Variants in TTC28 observed in about 807,000 individuals in gnomAD.
The protein encoded by TTC28 is tetratricopeptide repeat domain 28, also known as tetratricopeptide repeat protein 28.
A neutral mutation model predicts 198.0 loss-of-function variants in TTC28; 61 were observed. The observed-to-expected ratio is 0.31, with a 90% CI of 0.25 to 0.38. The LOEUF (loss-of-function observed/expected upper bound fraction) is 0.38. Among genes scored for constraint, TTC28 ranks in the 10% least tolerant of loss-of-function variants. The pLI is 1.00. For synonymous variants in TTC28, 1,171 were observed against 1,297.8 expected (o/e 0.90, Z 2.10); for missense variants, 2,678 against 3,164.0 (o/e 0.85, Z 3.69).
At chr22:28,147,825 A>T (rs1330413949) in intron 6 of TTC28, among the ~76,000 whole-genome samples, 1 of 152,220 alleles carries the variant, frequency 6.6e-6, no homozygotes, top group African/African-American at 2.4e-5. Context: ...CTTCTAAGCC[A>T]CTTCAAATGT....
intron 5 of TTC28, among the ~76,000 whole-genome samples, chr22:28,177,565 A>G (rs1337237106): frequency 6.6e-6 from 1 of 152,226 alleles, no homozygotes; most frequent in Non-Finnish European, 1.5e-5. Flanking sequence ...ACTGTTTATA[A>G]CAGTTTTATT....
chr22:28,504,751 T>C (rs1427238557), intron 2 of TTC28, among the ~76,000 whole-genome samples: 1 of 152,124 alleles, frequency 6.6e-6, no homozygotes, highest in East Asian at 1.9e-4. Flanking sequence ...GATATGCTCT[T>C]AATAAAAAAC....
intron 12 of TTC28, among the ~76,000 whole-genome samples, chr22:28,065,194 G>T (rs574371780): frequency 6.6e-6 from 1 of 152,252 alleles, no homozygotes; most frequent in Non-Finnish European, 1.5e-5. Context: ...AGTGATTATG[G>T]ACACACGTTC....
intron 5 of TTC28, among the ~76,000 whole-genome samples, chr22:28,168,977 A>G (rs1484615868): frequency 6.6e-6 from 1 of 152,212 alleles, no homozygotes; most frequent in Non-Finnish European, 1.5e-5. Context: ...AATTTACAAG[A>G]AAAAAACAAA....
intron 1 of TTC28, among the ~76,000 whole-genome samples, chr22:28,676,954 A>G (rs1172913956): frequency 2.6e-5 from 4 of 151,604 alleles, no homozygotes; most frequent in Non-Finnish European, 5.9e-5. Flanking sequence ...CGGGAGTTCA[A>G]AACCAGCCTG....
chr22:28,250,303 GTTTA>G (rs1930425740), intron 5 of TTC28, among the ~76,000 whole-genome samples: 1 of 152,186 alleles, frequency 6.6e-6, no homozygotes, highest in East Asian at 1.9e-4. Context: ...GCATTCTTTT[GTTTA>G]TTTATCCATT....
chr22:28,101,722 G>C (rs992391362), intron 8 of TTC28, among the ~76,000 whole-genome samples: 25 of 140,226 alleles, frequency 1.8e-4, no homozygotes, highest in African/African-American at 5.9e-4. Context: ...GAGGCAGGAG[G>C]ACTGCTTAAG....
At chr22:28,390,887 T>C (rs142429045) in intron 2 of TTC28, among the ~76,000 whole-genome samples, 6,735 of 152,312 alleles carry the variant, frequency 0.044, 167 homozygotes, top group African/African-American at 0.059. Context: ...CCTGTCATTA[T>C]GATGCTAGCT....
At chr22:28,558,960 G>A (rs991259119) in intron 2 of TTC28, among the ~76,000 whole-genome samples, 6 of 150,474 alleles carry the variant, frequency 4.0e-5, no homozygotes, top group South Asian at 4.2e-4. Context: ...GCTTGAACCC[G>A]GGAGGCGGGG....
chr22:28,127,646 T>A (rs1368885326), intron 6 of TTC28, among the ~76,000 whole-genome samples: 2 of 152,236 alleles, frequency 1.3e-5, no homozygotes, highest in South Asian at 2.1e-4. Context: ...TATTTTTATA[T>A]ACTGGGTTAA....
chr22:28,013,140 C>T (rs1309742062), intron 14 of TTC28, among the ~76,000 whole-genome samples: 2 of 152,192 alleles, frequency 1.3e-5, no homozygotes. Context: ...AATCATTGTG[C>T]AGATGTGGTT....
At chr22:28,102,967 A>C (rs1942196700) in intron 8 of TTC28, among the ~76,000 whole-genome samples, 1 of 152,240 alleles carries the variant, frequency 6.6e-6, no homozygotes, top group Non-Finnish European at 1.5e-5. Context: ...TTAATTCTTC[A>C]ATACAGATGT....
intron 2 of TTC28, among the ~76,000 whole-genome samples, chr22:28,398,252 G>A (rs1470295319): frequency 6.6e-6 from 1 of 152,044 alleles, no homozygotes; most frequent in East Asian, 1.9e-4. Context: ...ATGGAGAGGG[G>A]GCCAGGGCCT....
At chr22:28,372,007 T>G (rs1277376484) in intron 2 of TTC28, among the ~76,000 whole-genome samples, 1 of 152,060 alleles carries the variant, frequency 6.6e-6, no homozygotes. Context: ...GAGGATTGCT[T>G]GATCCCAGAG....
At chr22:28,655,862 A>G (rs2051639758) in intron 1 of TTC28, among the ~76,000 whole-genome samples, 1 of 151,424 alleles carries the variant, frequency 6.6e-6, no homozygotes, top group African/African-American at 2.4e-5. Flanking sequence ...AAAAAAAGAA[A>G]AAAAAAAAAA....
chr22:28,121,092 T>C (rs913537933), intron 6 of TTC28, among the ~76,000 whole-genome samples: 3 of 152,240 alleles, frequency 2.0e-5, no homozygotes, highest in Non-Finnish European at 2.9e-5. Flanking sequence ...GGAACTTACA[T>C]AGGAAATTGG....
chr22:28,314,030 C>T (rs1601616241), intron 2 of TTC28, among the ~76,000 whole-genome samples: 1 of 152,246 alleles, frequency 6.6e-6, no homozygotes, highest in South Asian at 2.1e-4. Context: ...GATACAAAAC[C>T]AATGTGCAAA....
intron 2 of TTC28, among the ~76,000 whole-genome samples, chr22:28,404,542 T>A (rs1383034137): frequency 6.6e-6 from 1 of 152,210 alleles, no homozygotes; most frequent in Non-Finnish European, 1.5e-5. Context: ...CCCATCTGAT[T>A]CCCTCCTCTC....
chr22:28,588,498 C>T (rs1440387473), intron 2 of TTC28, among the ~76,000 whole-genome samples: 3 of 152,192 alleles, frequency 2.0e-5, no homozygotes, highest in Non-Finnish European at 4.4e-5. Context: ...AGGCAGGTGT[C>T]TCCACAGAGA....
Sources: allele counts gnomAD v4.1 joint callset (sites outside exome capture counted in the v4.1 genomes callset), GRCh38; gene constraint gnomAD v4.1.1; transcripts MANE v1.5; gene names NCBI Gene and HGNC (gene_info 2026-07-23, HGNC 2026-07-21).